Variants in MAN1A2 observed in about 807,000 individuals in gnomAD.
MAN1A2 encodes mannosyl-oligosaccharide 1,2-alpha-mannosidase IB.
In MAN1A2, 26 loss-of-function variants were observed where a neutral mutation model predicts 75.7. The observed-to-expected ratio is 0.34, with a 90% confidence interval of 0.25 to 0.48. The LOEUF is 0.48. Ranked by LOEUF, MAN1A2 falls within the 20% of genes least tolerant of loss-of-function variation. The pLI is 0.99. For missense variants in MAN1A2, 562 were observed against 775.5 expected, an observed-to-expected ratio of 0.72 and a Z score of 3.27; for synonymous variants, 247 against 264.6, an observed-to-expected ratio of 0.93 and a Z score of 0.65.
intron 8 of MAN1A2, among the ~76,000 whole-genome samples, chr1:117,491,514 C>CG (rs2101871803): frequency 2.6e-5 from 1 of 38,640 alleles, no homozygotes; most frequent in South Asian, 5.8e-4. Context: ...TGCACCTGAT[C>CG]ACCATTTTCT....
chr1:117,455,660 T>C (rs1441525432), intron 6 of MAN1A2, among the ~76,000 whole-genome samples: 1 of 152,070 alleles, frequency 6.6e-6, no homozygotes, highest in East Asian at 1.9e-4. Flanking sequence ...AAGAGACCAG[T>C]GAGTATTTAA....
intron 1 of MAN1A2, among the ~76,000 whole-genome samples, chr1:117,377,097 T>C (rs1216595289): frequency 6.6e-6 from 1 of 152,214 alleles, no homozygotes; most frequent in Non-Finnish European, 1.5e-5. Context: ...CATATGGCTA[T>C]ATATGGTTAT....
At chr1:117,503,534 G>A (rs1172394836) in intron 12 of MAN1A2, among the ~76,000 whole-genome samples, 1 of 151,568 alleles carries the variant, frequency 6.6e-6, no homozygotes, top group Admixed American at 6.6e-5. Context: ...CAAACCCCAG[G>A]TAGAGGTCTC....
intron 8 of MAN1A2, among the ~76,000 whole-genome samples, chr1:117,484,655 AAAGT>A (rs1480210453): frequency 6.6e-6 from 1 of 152,038 alleles, no homozygotes; most frequent in African/African-American, 2.4e-5. Flanking sequence ...TTACAGTAGT[AAAGT>A]ATGTACTGCA....
At chr1:117,466,261 A>G (rs1649978894) in intron 7 of MAN1A2, 73 bp from the exon 8 acceptor site, 1 of 971,068 alleles carries the variant, frequency 1.0e-6, no homozygotes, top group Non-Finnish European at 1.6e-6. Flanking sequence ...GAAAAAACAC[A>G]AAGCCTACAT....
intron 5 of MAN1A2, among the ~76,000 whole-genome samples, chr1:117,431,188 GGGGAGA>G (rs1360275651): frequency 5.8e-5 from 6 of 104,192 alleles, no homozygotes; most frequent in South Asian, 4.3e-4. Context: ...GGGAGACCGT[GGGGAGA>G]GGGAGGGGGA....
intron 11 of MAN1A2, among the ~76,000 whole-genome samples, chr1:117,501,443 A>G (rs572743447): frequency 6.6e-6 from 1 of 151,942 alleles, no homozygotes; most frequent in African/African-American, 2.4e-5. Context: ...GGTGAGGCAG[A>G]ATAGCAGTAT....
At chr1:117,506,318 GA>G (rs1392219436) in intron 12 of MAN1A2, among the ~76,000 whole-genome samples, 1 of 151,462 alleles carries the variant, frequency 6.6e-6, no homozygotes, top group African/African-American at 2.4e-5. Context: ...AAAGTTAAAT[GA>G]AAAAACCTGT....
Position 117,367,563 on chromosome 1 carries a change from G to C in MAN1A2, c.-621G>C, listed in dbSNP as rs1652806548. The C allele has an allele frequency of 6.6e-6, 1 of 152,344 alleles. No homozygotes were observed. The highest frequency in any genetic ancestry group is 1.5e-5 in the Non-Finnish European group (1 of 68,152). The allele number at this position is 152,344 out of a possible 1,614,324, so 9.4% of individuals were successfully genotyped here. A position where few individuals can be genotyped will look rare whatever the true frequency, so the allele number is the denominator to read the frequency against. On this transcript the variant is annotated 5_prime_UTR_variant, in exon 1 of 13. Transcript: ENST00000356554. ...GAGTGGGCAGCAGCGGGACTCAGCC[G>C]GGCGCCAGGTTCCTGCCAGGCAGCG...
chr1:117,499,341 A>G (rs751248389), intron 10 of MAN1A2, 41 bp from the exon 11 acceptor site: 16 of 1,384,128 alleles, frequency 1.2e-5, no homozygotes, highest in Non-Finnish European at 1.5e-5. Context: ...ACAAACATAA[A>G]TGGTTTATTT....
At chr1:117,429,156 AT>A (rs1163816057) in intron 5 of MAN1A2, among the ~76,000 whole-genome samples, 2 of 146,752 alleles carry the variant, frequency 1.4e-5, no homozygotes, top group African/African-American at 2.5e-5. Flanking sequence ...AGGCAGAGGA[AT>A]TTTTCTTAGT....
intron 8 of MAN1A2, among the ~76,000 whole-genome samples, chr1:117,471,779 C>T (rs1168196152): frequency 6.6e-6 from 1 of 151,724 alleles, no homozygotes; most frequent in Non-Finnish European, 1.5e-5. Flanking sequence ...TTCTAATTCA[C>T]ATTCTTCCTT....
At chr1:117,432,949 AT>A (rs1648721640) in intron 5 of MAN1A2, among the ~76,000 whole-genome samples, 1 of 148,820 alleles carries the variant, frequency 6.7e-6, no homozygotes. Context: ...TATTCTTTTT[AT>A]ATAATATAAA....
At chr1:117,451,764 G>GT (rs1335412963) in intron 6 of MAN1A2, among the ~76,000 whole-genome samples, 1 of 152,204 alleles carries the variant, frequency 6.6e-6, no homozygotes, top group Admixed American at 6.5e-5. Context: ...ACGTGGAACT[G>GT]TAAGGCCATT....
chr1:117,405,050 CA>C (rs1035310977), intron 2 of MAN1A2, among the ~76,000 whole-genome samples: 4 of 151,346 alleles, frequency 2.6e-5, no homozygotes, highest in Middle Eastern at 3.2e-3. Context: ...CCATCTCAAA[CA>C]AAAAAAATAA....
intron 12 of MAN1A2, among the ~76,000 whole-genome samples, chr1:117,512,170 G>T (rs191926945): frequency 1.1e-4 from 17 of 152,216 alleles, no homozygotes; most frequent in Non-Finnish European, 2.4e-4. Context: ...AATTGATAAA[G>T]CAAGAAGAAG....
intron 9 of MAN1A2, among the ~76,000 whole-genome samples, chr1:117,495,671 A>G (rs947232399): frequency 1.7e-4 from 26 of 151,882 alleles, no homozygotes; most frequent in African/African-American, 5.8e-4. Context: ...TTAGGTTACA[A>G]TGAACAGAAA....
At chr1:117,436,738 G>A (rs1648862493) in intron 5 of MAN1A2, among the ~76,000 whole-genome samples, 2 of 152,180 alleles carry the variant, frequency 1.3e-5, no homozygotes, top group Admixed American at 1.3e-4. Context: ...TTCATCATGG[G>A]CCCTGTGCAT....
Position 117,414,839 on chromosome 1 carries a change from T to C in MAN1A2, c.774+8T>C, listed in dbSNP as rs1354852695. On this transcript the variant is annotated splice_region_variant and intron_variant, in intron 4 of 12. Transcript: ENST00000356554. ...AACCTTGATTTCAGTGTGGTGAGTG[T>C]ATGATTGATAACTAATCTCTTAGAT... 7 of 1,453,576 alleles carry C rather than the reference T, an allele frequency of 4.8e-6. No homozygotes were observed. Among genetic ancestry groups the C allele is most frequent in the Non-Finnish European group, 6.8e-6 (7 of 1,034,526 alleles). The allele number at this position is 1,453,576 out of a possible 1,614,324, so 90.0% of individuals were successfully genotyped here.
Sources: allele counts gnomAD v4.1 joint callset (sites outside exome capture counted in the v4.1 genomes callset), GRCh38; gene constraint gnomAD v4.1.1; transcripts MANE v1.5; gene names NCBI Gene and HGNC (gene_info 2026-07-23, HGNC 2026-07-21).